CELF4: variants seen among roughly 807,000 people sequenced by gnomAD.
CELF4 encodes CUGBP Elav-like family member 4.
A neutral mutation model predicts 59.9 loss-of-function variants in CELF4; 18 were observed. The observed-to-expected ratio is 0.30, with a 90% CI of 0.21 to 0.45. The LOEUF (loss-of-function observed/expected upper bound fraction) is 0.45, where lower values mean the gene tolerates loss of function less well. CELF4 is among the 20% of genes least tolerant of loss of function. The probability of loss-of-function intolerance (pLI) is 1.00; values close to 1 mark genes in which losing one functional copy is unlikely to be tolerated. For synonymous variants in CELF4, 261 were observed against 267.1 expected (o/e 0.98, Z 0.22); for missense variants, 456 against 689.0 (o/e 0.66, Z 3.79).
At chr18:37,332,080 T>C (rs1392919447) in intron 2 of CELF4, among the ~76,000 whole-genome samples, 6 of 152,146 alleles carry the variant, frequency 3.9e-5, no homozygotes, top group Non-Finnish European at 7.4e-5. Context: ...AGCAAACGTT[T>C]GTTCAGTTCC....
intron 2 of CELF4, among the ~76,000 whole-genome samples, chr18:37,378,454 G>A (rs2154568216): frequency 6.6e-6 from 1 of 152,232 alleles, no homozygotes; most frequent in African/African-American, 2.4e-5. Context: ...CTATTAAATA[G>A]GATAATGGAT....
intron 2 of CELF4, among the ~76,000 whole-genome samples, chr18:37,450,150 A>G (rs751767482): frequency 7.2e-5 from 11 of 151,980 alleles, no homozygotes; most frequent in Non-Finnish European, 1.0e-4. Flanking sequence ...GTGTGTATTT[A>G]TATGTGTGTG....
intron 1 of CELF4, among the ~76,000 whole-genome samples, chr18:37,547,487 C>A (rs1364100003): frequency 6.6e-6 from 1 of 152,170 alleles, no homozygotes; most frequent in Non-Finnish European, 1.5e-5. Flanking sequence ...ATAGCCAGTG[C>A]CTGGGGCTGG....
chr18:37,254,017 CA>C lies in CELF4; in HGVS notation c.1334-80del, dbSNP rs1445203949. ...CTGCCGGCGGGGAGGGGTCGGGGGA[CA>C]GGGGGGCGGGGCGGGCCTGAGGCTC... On this transcript the variant is annotated intron_variant, in intron 11 of 12. Coordinates refer to ENST00000420428, the MANE Select transcript of CELF4 (RefSeq NM_020180.4). The surrounding 1 kb of genome is among the most constrained non-coding windows in gnomAD (Gnocchi z 5.1). 4.9e-5 allele frequency: 13 copies of C among 267,254 alleles called. No homozygotes were observed. Among genetic ancestry groups the C allele is most frequent in the Middle Eastern group, 1.4e-3 (1 of 734 alleles). The allele number at this position is 267,254 out of a possible 1,614,324, so 16.6% of individuals were successfully genotyped here. A position where few individuals can be genotyped will look rare whatever the true frequency, so the allele number is the denominator to read the frequency against.
At chr18:37,548,881 C>T (rs755154963) in intron 1 of CELF4, among the ~76,000 whole-genome samples, 6 of 152,202 alleles carry the variant, frequency 3.9e-5, no homozygotes, top group Non-Finnish European at 7.3e-5. Flanking sequence ...AGGCAGTGTC[C>T]AAGGCACGAA....
At position 37,243,908 on chromosome 18, in the gene CELF4, A is replaced by ACGGCGGCGG. The variant is rs376915627; in HGVS notation, c.*1325_*1333dup. The ACGGCGGCGG allele has an allele frequency of 4.8e-5, 9 of 187,778 alleles. No individual in the cohort carries two copies. Among genetic ancestry groups the ACGGCGGCGG allele is most frequent in the Non-Finnish European group, 8.9e-5 (8 of 90,256 alleles). 11.6% of individuals were successfully genotyped at this position (187,778 alleles called of 1,614,324 possible). A position where few individuals can be genotyped will look rare whatever the true frequency, so the allele number is the denominator to read the frequency against. On this transcript the variant is annotated 3_prime_UTR_variant, in exon 13 of 13. Transcript: ENST00000420428. ...CAGAGGGAAGCGAGAGGCGAGGATG[A>ACGGCGGCGG]CGGCGGCGGCGGCGGCGGCGACCCG... is the stretch of plus-strand genomic sequence containing the variant.
Position 37,253,062 on chromosome 18 carries a change from G to A in CELF4, c.*44+705C>T. Among the ~76,000 whole-genome samples, 1 of 152,122 alleles carries A rather than the reference G, an allele frequency of 6.6e-6. No individual in the cohort carries two copies. Among genetic ancestry groups the A allele is most frequent in the East Asian group, 1.9e-4 (1 of 5,162 alleles). ...CTTTGCTCAGGGGAACACGTGGGCT[G>A]GAAGAGGCGTGGCTGACTGTGTCTT... On this transcript the variant is annotated intron_variant, in intron 12 of 12. Coordinates refer to ENST00000420428, the MANE Select transcript of CELF4 (RefSeq NM_020180.4). This position sits in a 1 kb window ranked among gnomAD's most constrained non-coding sequence, Gnocchi z 4.5.
intron 2 of CELF4, among the ~76,000 whole-genome samples, chr18:37,404,081 C>T (rs1320820158): frequency 2.6e-5 from 4 of 152,222 alleles, no homozygotes; most frequent in East Asian, 3.9e-4. Context: ...CTCTGGGGCC[C>T]GGCCAGGCCT....
chr18:37,522,908 T>G (rs2099959234), intron 1 of CELF4, among the ~76,000 whole-genome samples: 1 of 152,174 alleles, frequency 6.6e-6, no homozygotes, highest in African/African-American at 2.4e-5. Flanking sequence ...CCATCCCTCA[T>G]TAGTCCCCTG....
intron 2 of CELF4, among the ~76,000 whole-genome samples, chr18:37,374,681 CT>C (rs1244151068): frequency 6.6e-6 from 1 of 152,162 alleles, no homozygotes; most frequent in African/African-American, 2.4e-5. Context: ...ATGGAAAAGC[CT>C]TAGGAAGACC....
intron 1 of CELF4, among the ~76,000 whole-genome samples, chr18:37,565,036 C>T (rs1180258165): frequency 6.6e-6 from 1 of 152,096 alleles, no homozygotes; most frequent in African/African-American, 2.4e-5. Flanking sequence ...CAGCCTTCCC[C>T]ATCCCCATCT....
intron 2 of CELF4, among the ~76,000 whole-genome samples, chr18:37,340,420 C>T (rs1413097904): frequency 6.6e-6 from 1 of 152,200 alleles, no homozygotes; most frequent in Non-Finnish European, 1.5e-5. Context: ...GGTCTTAATA[C>T]AGTGGGGGAG....
At chr18:37,272,390 G>A (rs2091668159) in intron 7 of CELF4, among the ~76,000 whole-genome samples, 1 of 152,080 alleles carries the variant, frequency 6.6e-6, no homozygotes, top group African/African-American at 2.4e-5. Flanking sequence ...GGATTCGGGG[G>A]CATAACTGCA....
At chr18:37,302,856 A>G (rs548373996) in intron 3 of CELF4, among the ~76,000 whole-genome samples, 112 of 152,232 alleles carry the variant, frequency 7.4e-4, no homozygotes, top group African/African-American at 2.6e-3. Context: ...ATTGCTTCCT[A>G]GTCCACTTTT....
At chr18:37,307,396 A>G (rs1372272422) in intron 3 of CELF4, among the ~76,000 whole-genome samples, 2 of 152,186 alleles carry the variant, frequency 1.3e-5, no homozygotes, top group African/African-American at 2.4e-5. Context: ...GATCCAAATT[A>G]AAACATGCAT....
At chr18:37,258,027 A>C (rs748466837) in intron 11 of CELF4, among the ~76,000 whole-genome samples, 12 of 152,178 alleles carry the variant, frequency 7.9e-5, no homozygotes, top group Non-Finnish European at 1.3e-4. Flanking sequence ...CATCAACAAT[A>C]AATACTTTTT....
chr18:37,286,000 C>A (rs1281595678), intron 3 of CELF4, among the ~76,000 whole-genome samples: 2 of 151,860 alleles, frequency 1.3e-5, no homozygotes, highest in Non-Finnish European at 1.5e-5. Context: ...CATAATGGGG[C>A]TTTTTTTTCC....
At chr18:37,465,480 C>T (rs1179888565) in intron 2 of CELF4, among the ~76,000 whole-genome samples, 1 of 152,090 alleles carries the variant, frequency 6.6e-6, no homozygotes, top group Non-Finnish European at 1.5e-5. Context: ...TGGGGGAGGG[C>T]TCTGTGTACC....
intron 2 of CELF4, 89 bp downstream of exon 2, chr18:37,485,436 T>G: frequency 2.8e-6 from 2 of 724,590 alleles, no homozygotes; most frequent in Non-Finnish European, 3.5e-6. Flanking sequence ...CCTGCCGTCC[T>G]CTCCCCGCGC....
Sources: allele counts gnomAD v4.1 joint callset (sites outside exome capture counted in the v4.1 genomes callset), GRCh38; gene constraint gnomAD v4.1.1; non-coding constraint Gnocchi (gnomAD v3.1); transcripts MANE v1.5; gene names NCBI Gene and HGNC (gene_info 2026-07-23, HGNC 2026-07-21).